Variants in ZDHHC14 observed in about 807,000 individuals in gnomAD.
ZDHHC14 encodes the protein zDHHC palmitoyltransferase 14, also known as palmitoyltransferase ZDHHC14.
In ZDHHC14, 16 loss-of-function variants were observed where a neutral mutation model predicts 47.7. That is an observed-to-expected ratio of 0.34 (90% CI 0.23 to 0.51). The LOEUF (loss-of-function observed/expected upper bound fraction) is 0.51. Ranked by LOEUF, ZDHHC14 falls within the 20% of genes least tolerant of loss-of-function variation. The pLI, the probability that ZDHHC14 is intolerant of heterozygous loss-of-function variation, is 0.97. For synonymous variants in ZDHHC14, 293 were observed against 278.9 expected (o/e 1.05, Z -0.50); for missense variants, 515 against 662.5 (o/e 0.78, Z 2.44).
At chr6:157,497,961 T>C (rs543965386) in intron 1 of ZDHHC14, among the ~76,000 whole-genome samples, 3 of 152,340 alleles carry the variant, frequency 2.0e-5, no homozygotes, top group East Asian at 3.8e-4. Flanking sequence ...CTCAGCATTG[T>C]TTGATGAAGA....
At position 157,593,108 on chromosome 6, in the gene ZDHHC14, C is replaced by T; in HGVS notation, c.527C>T (p.Pro176Leu). The T allele has an allele frequency of 6.2e-7, 1 of 1,614,038 alleles. No individual in the cohort carries two copies. Among genetic ancestry groups the T allele is most frequent in the Non-Finnish European group, 8.5e-7 (1 of 1,179,940 alleles). The change falls in exon 3 of 9, where the codon CCT becomes CTT. Residue 176 changes from proline (P) to leucine (L), a missense_variant. This residue lies in a region of ZDHHC14 where 229 missense variants were observed against 351.5 expected (regional missense o/e 0.65). Coordinates refer to ENST00000359775, the MANE Select transcript of ZDHHC14 (RefSeq NM_024630.3). The part of the protein sequence containing the change: ...YCFTCKIFRP[P>L]RASHCSLCDN... Reference sequence around the variant, plus strand: ...TTCACCTGCAAGATTTTCCGGCCCCCTCGCGCCTCCCATTGCAGCCTTTGT... The same window carrying T: ...TTCACCTGCAAGATTTTCCGGCCCCTTCGCGCCTCCCATTGCAGCCTTTGT...
At chr6:157,668,431 C>A (rs773591151) in intron 8 of ZDHHC14, among the ~76,000 whole-genome samples, 13 of 151,452 alleles carry the variant, frequency 8.6e-5, no homozygotes, top group Non-Finnish European at 1.3e-4. Context: ...GACCTGTAAT[C>A]CCAGCACTTT....
intron 1 of ZDHHC14, among the ~76,000 whole-genome samples, chr6:157,517,798 G>T (rs140890790): frequency 6.1e-4 from 93 of 152,334 alleles, no homozygotes; most frequent in African/African-American, 2.2e-3. Flanking sequence ...GCATTTCAGG[G>T]ACAGTGCTGG....
intron 1 of ZDHHC14, among the ~76,000 whole-genome samples, chr6:157,434,669 C>CA (rs35499034): frequency 0.24 from 36,615 of 151,946 alleles, 4,680 homozygotes; most frequent in African/African-American, 0.33. Context: ...CAGTTTTATT[C>CA]GTTTATCAAA....
intron 1 of ZDHHC14, among the ~76,000 whole-genome samples, chr6:157,437,913 A>C (rs898662243): frequency 6.6e-6 from 1 of 152,212 alleles, no homozygotes; most frequent in East Asian, 1.9e-4. Context: ...GAGTTAAAAA[A>C]AAAAATCCAG....
At chr6:157,391,169 T>C (rs1337614640) in intron 1 of ZDHHC14, among the ~76,000 whole-genome samples, 1 of 151,534 alleles carries the variant, frequency 6.6e-6, no homozygotes, top group Non-Finnish European at 1.5e-5. Context: ...ACTCTGGAGG[T>C]TTTTAAATGC....
At chr6:157,572,637 CT>C (rs1402477487) in intron 2 of ZDHHC14, among the ~76,000 whole-genome samples, 3 of 123,832 alleles carry the variant, frequency 2.4e-5, no homozygotes, top group African/African-American at 6.1e-5. Context: ...AATGCTATCC[CT>C]CCCCCCGCCC....
At chr6:157,486,753 AT>A (rs1779788125) in intron 1 of ZDHHC14, among the ~76,000 whole-genome samples, 2 of 152,198 alleles carry the variant, frequency 1.3e-5, no homozygotes, top group Admixed American at 1.3e-4. Flanking sequence ...GAGAAATATG[AT>A]TTAACCAGGC....
intron 1 of ZDHHC14, among the ~76,000 whole-genome samples, chr6:157,479,805 C>T (rs2114713803): frequency 6.6e-6 from 1 of 152,336 alleles, no homozygotes; most frequent in East Asian, 1.9e-4. Flanking sequence ...TCCCTGGTCC[C>T]CTCCTGGCCC....
intron 1 of ZDHHC14, among the ~76,000 whole-genome samples, chr6:157,430,099 G>A (rs571356572): frequency 6.6e-6 from 1 of 152,168 alleles, no homozygotes; most frequent in African/African-American, 2.4e-5. Flanking sequence ...GGCAGATCAC[G>A]AGGTCAAGAG....
At chr6:157,669,274 A>G (rs1778686464) in intron 8 of ZDHHC14, among the ~76,000 whole-genome samples, 1 of 151,816 alleles carries the variant, frequency 6.6e-6, no homozygotes, top group South Asian at 2.1e-4. Flanking sequence ...AGGGGAGAGG[A>G]AAAGGGCCAG....
chr6:157,400,310 C>T (rs1777608598), intron 1 of ZDHHC14, among the ~76,000 whole-genome samples: 1 of 152,098 alleles, frequency 6.6e-6, no homozygotes, highest in Admixed American at 6.5e-5. Flanking sequence ...GAGAGCTGCT[C>T]CCAGCACTGT....
At chr6:157,527,206 C>T (rs753259656) in intron 1 of ZDHHC14, among the ~76,000 whole-genome samples, 3 of 152,146 alleles carry the variant, frequency 2.0e-5, no homozygotes, top group Non-Finnish European at 4.4e-5. Context: ...AAGCAGATTA[C>T]ACCAGCCGGG....
At chr6:157,552,075 A>G (rs1052751858) in intron 2 of ZDHHC14, among the ~76,000 whole-genome samples, 1 of 152,224 alleles carries the variant, frequency 6.6e-6, no homozygotes, top group African/African-American at 2.4e-5. Flanking sequence ...AACAGAAGAA[A>G]TGACGTCTTC....
chr6:157,395,597 CA>C (rs1244277806), intron 1 of ZDHHC14, among the ~76,000 whole-genome samples: 2 of 152,052 alleles, frequency 1.3e-5, no homozygotes, highest in Admixed American at 1.3e-4. Flanking sequence ...AGATCGAGAC[CA>C]TCCTGGCCAA....
chr6:157,508,394 T>C (rs565372473), intron 1 of ZDHHC14, among the ~76,000 whole-genome samples: 181 of 152,340 alleles, frequency 1.2e-3, no homozygotes, highest in Non-Finnish European at 2.2e-3. Flanking sequence ...TGAGACAGGG[T>C]CTTACTCTGT....
chr6:157,462,986 AT>A, intron 1 of ZDHHC14, among the ~76,000 whole-genome samples: 1 of 152,362 alleles, frequency 6.6e-6, no homozygotes, highest in Middle Eastern at 3.4e-3. Flanking sequence ...TACCAATAAA[AT>A]TTCCTAAAAG....
intron 1 of ZDHHC14, among the ~76,000 whole-genome samples, chr6:157,430,137 A>G (rs1183282523): frequency 1.3e-5 from 2 of 152,094 alleles, no homozygotes; most frequent in Non-Finnish European, 2.9e-5. Context: ...CAACATGGTG[A>G]AACCCCGTCT....
chr6:157,484,692 T>C (rs1183216065), intron 1 of ZDHHC14, among the ~76,000 whole-genome samples: 2 of 151,840 alleles, frequency 1.3e-5, no homozygotes. Flanking sequence ...TGGGCGATTT[T>C]TGTGATTTAC....
Sources: allele counts gnomAD v4.1 joint callset (sites outside exome capture counted in the v4.1 genomes callset), GRCh38; gene constraint gnomAD v4.1.1; regional missense constraint gnomAD v4.1.1; transcripts MANE v1.5; gene names NCBI Gene and HGNC (gene_info 2026-07-23, HGNC 2026-07-21).